Variants in CNGB1 observed in about 807,000 individuals in gnomAD.
CNGB1 encodes cyclic nucleotide gated channel subunit beta 1.
In CNGB1, 126 loss-of-function variants were observed where a neutral mutation model predicts 151.7. The ratio of observed to expected loss-of-function variants is 0.83; its 90% CI spans 0.72 to 0.96. The LOEUF is 0.96. Ranked by LOEUF, CNGB1 falls within the 40% of genes least tolerant of loss-of-function variation. CNGB1 has a pLI of 0.00. For synonymous variants in CNGB1, 623 were observed against 635.1 expected (o/e 0.98, Z 0.29); for missense variants, 1,698 against 1,627.0 (o/e 1.04, Z -0.75).
intron 27 of CNGB1, among the ~76,000 whole-genome samples, chr16:57,902,334 G>T (rs1448459972): frequency 6.6e-6 from 1 of 152,074 alleles, no homozygotes; most frequent in African/African-American, 2.4e-5. Context: ...GCCTCCCAAA[G>T]TGCTGGGATT....
intron 17 of CNGB1, among the ~76,000 whole-genome samples, chr16:57,923,890 G>A (rs367783780): frequency 2.6e-5 from 4 of 152,140 alleles, no homozygotes; most frequent in South Asian, 4.2e-4. Context: ...TCCGCCTTAC[G>A]GTGTGACCTT....
intron 31 of CNGB1, among the ~76,000 whole-genome samples, chr16:57,891,019 A>G (rs1452578504): frequency 6.6e-6 from 1 of 152,198 alleles, no homozygotes; most frequent in Non-Finnish European, 1.5e-5. Flanking sequence ...ACTGTCAGGA[A>G]TGGGGGCCTC....
chr16:57,947,379 G>T (rs1400302397), intron 14 of CNGB1, among the ~76,000 whole-genome samples: 1 of 152,198 alleles, frequency 6.6e-6, no homozygotes, highest in Non-Finnish European at 1.5e-5. Context: ...CAGAAGCACA[G>T]CTCCATAGAA....
In CNGB1 at chr16:57,942,628, G is replaced by T. The variant is rs559392337; in HGVS notation, c.1122-2307C>A. On this transcript the variant is annotated intron_variant, in intron 14 of 32. Coordinates refer to ENST00000251102, the MANE Select transcript of CNGB1 (RefSeq NM_001297.5). ...GCCTGTAATCTCGGCATTTTGAGAG[G>T]CTGAGATGGGAGGATTGCTTGAGTG... Among the ~76,000 whole-genome samples, 20 of 152,286 alleles carry T rather than the reference G, an allele frequency of 1.3e-4. No individual in the cohort carries two copies. The South Asian group carries it at 3.9e-3, about 30-fold the overall frequency.
chr16:57,905,694 T>A (rs1437544848), intron 25 of CNGB1, among the ~76,000 whole-genome samples: 1 of 152,264 alleles, frequency 6.6e-6, no homozygotes, highest in Non-Finnish European at 1.5e-5. Flanking sequence ...AGATTAAAGC[T>A]GTTACAAAAG....
At chr16:57,937,540 G>A (rs1412197150) in intron 16 of CNGB1, among the ~76,000 whole-genome samples, 2 of 152,130 alleles carry the variant, frequency 1.3e-5, no homozygotes, top group Non-Finnish European at 1.5e-5. Context: ...GCCCACCCAG[G>A]AGCACCGAGG....
At chr16:57,884,578 G>T in intron 32 of CNGB1, 121 bp from the exon 33 acceptor site, 1 of 1,071,824 alleles carries the variant, frequency 9.3e-7, no homozygotes, top group Non-Finnish European at 1.4e-6. Context: ...AACACACAGC[G>T]GGTGAAATCT....
intron 31 of CNGB1, among the ~76,000 whole-genome samples, chr16:57,892,836 C>T (rs1271265326): frequency 2.0e-5 from 3 of 152,218 alleles, no homozygotes; most frequent in Admixed American, 6.5e-5. Flanking sequence ...GTGCAGGTCT[C>T]GTTGAAATGC....
rs138689038 is a variant in CNGB1, at chr16:57,898,887, C to T, written c.2977-973G>A. Among the ~76,000 whole-genome samples the T allele has an allele frequency of 2.1e-3, 316 of 152,328 alleles. 1 individual carries two copies. Among genetic ancestry groups the T allele is most frequent in the Middle Eastern group, 0.017 (5 of 294 alleles). On this transcript the variant is annotated intron_variant, in intron 29 of 32. Transcript: ENST00000251102. ...ATTCATATATTGAAATCCTCATCCC[C>T]AGCATCTCAGAATGTGACCTTATTT... is the stretch of plus-strand genomic sequence containing the variant.
intron 14 of CNGB1, among the ~76,000 whole-genome samples, chr16:57,948,244 A>T (rs1330616475): frequency 1.3e-5 from 2 of 151,580 alleles, no homozygotes; most frequent in African/African-American, 4.9e-5. Flanking sequence ...ATGGCTCCCC[A>T]TCGCCTTTGG....
At position 57,884,478 on chromosome 16, in the gene CNGB1, C is replaced by T. The variant is rs1419826288; in HGVS notation, c.3463-21G>A. 4 of 1,613,282 alleles carry T rather than the reference C, an allele frequency of 2.5e-6. No individual in the cohort carries two copies. In the South Asian group the frequency reaches 4.4e-5, roughly 18 times the overall value. On this transcript the variant is annotated intron_variant, in intron 32 of 32. Coordinates refer to ENST00000251102, the MANE Select transcript of CNGB1 (RefSeq NM_001297.5). ...TTGGCCTGGAATCCAGAAAGGGTGA[C>T]TCGTGAGGCACAGACTCTCGGAGGG...
chr16:57,949,242 C>A, intron 14 of CNGB1, 111 bp downstream of exon 14: 1 of 1,585,264 alleles, frequency 6.3e-7, no homozygotes. Context: ...CCTTACACAG[C>A]ACAGAACAAC....
At position 57,950,520 on chromosome 16, in the gene CNGB1, G is replaced by C; in HGVS notation, c.895C>G (p.Gln299Glu). ...TCTAGGACAAGGTCAGGCTCCACTT[G>C]TCCTCCAGGAAGGATGCTGACTGCA... ...VQTISILPGG[Q>E]VEPDLVLEEV... The change falls in exon 13 of 33, where the codon CAA becomes GAA. Residue 299 changes from glutamine to glutamate, a missense_variant. Coordinates refer to ENST00000251102, the MANE Select transcript of CNGB1 (RefSeq NM_001297.5). 1.2e-6 allele frequency: 2 copies of C among 1,614,164 alleles called. No individual in the cohort carries two copies. Among genetic ancestry groups the C allele is most frequent in the Non-Finnish European group, 1.7e-6 (2 of 1,180,020 alleles).
At chr16:57,886,672 C>G (rs1440261902) in intron 32 of CNGB1, among the ~76,000 whole-genome samples, 1 of 152,146 alleles carries the variant, frequency 6.6e-6, no homozygotes, top group African/African-American at 2.4e-5. Flanking sequence ...CCCAGTCTGC[C>G]TAACCCCAGT....
intron 15 of CNGB1, 28 bp from the exon 16 acceptor site, chr16:57,939,620 C>A: frequency 6.2e-7 from 1 of 1,614,154 alleles, no homozygotes; most frequent in Non-Finnish European, 8.5e-7. Context: ...AAAACAGAAA[C>A]TGTGACCATC....
chr16:57,915,437 G>C, intron 22 of CNGB1, 102 bp from the exon 23 acceptor site: 3 of 908,162 alleles, frequency 3.3e-6, no homozygotes, highest in Non-Finnish European at 5.4e-6. Context: ...GAAAGGTGAG[G>C]TCAGAATGCC....
chr16:57,913,049 T>C, intron 23 of CNGB1, 55 bp from the exon 24 acceptor site: 1 of 1,575,704 alleles, frequency 6.3e-7, no homozygotes, highest in Middle Eastern at 1.8e-4. Flanking sequence ...AGCATGCTGC[T>C]CCCACGCCCA....
chr16:57,956,603 G>A (rs1372815662), intron 12 of CNGB1, among the ~76,000 whole-genome samples: 5 of 152,230 alleles, frequency 3.3e-5, no homozygotes, highest in African/African-American at 7.2e-5. Flanking sequence ...TGAGGCCTGT[G>A]GTTGAAGGGC....
chr16:57,901,758 T>C, intron 27 of CNGB1, 133 bp from the exon 28 acceptor site: 1 of 735,594 alleles, frequency 1.4e-6, no homozygotes, highest in Non-Finnish European at 2.4e-6. Context: ...TCTGGATTTG[T>C]AGTGCACCCT....
Sources: gnomAD v4.1 joint callset for allele counts (sites outside exome capture counted in the v4.1 genomes callset) on GRCh38, gnomAD v4.1.1 for gene constraint, MANE v1.5 for transcripts, NCBI Gene and HGNC (gene_info 2026-07-23, HGNC 2026-07-21) for gene names.